CLMP: variants seen among roughly 807,000 people sequenced by gnomAD.
CLMP encodes CXADR-like membrane protein.
In CLMP, 27 loss-of-function variants were observed where a neutral mutation model predicts 45.2. That is an observed-to-expected ratio of 0.60 (90% CI 0.44 to 0.82). CLMP has a LOEUF of 0.82. Ranked by LOEUF, CLMP falls within the 40% of genes least tolerant of loss-of-function variation. CLMP has a pLI of 0.00. For synonymous variants in CLMP, 167 were observed against 171.4 expected, an observed-to-expected ratio of 0.97 and a Z score of 0.20; for missense variants, 403 against 448.4, an observed-to-expected ratio of 0.90 and a Z score of 0.91.
chr11:123,097,870 A>G lies in CLMP; in HGVS notation c.111T>C (p.His37=). ...AEEKVTLPCH[H]QLGLPEKDTL... ...TGTCTTTTTCTGGAAGCCCCAGTTG[A>G]TGGTGGCAGGGCAAAGTGACCTTTT... The change falls in exon 2 of 7, where the codon CAT becomes CAC. Residue 37 remains histidine (H), a synonymous_variant. Coordinates refer to ENST00000448775, the MANE Select transcript of CLMP (RefSeq NM_024769.5). The G allele has an allele frequency of 6.2e-7, 1 of 1,611,188 alleles. No individual in the cohort carries two copies. The highest frequency in any genetic ancestry group is 8.5e-7 in the Non-Finnish European group (1 of 1,178,764).
At chr11:123,100,530 C>T (rs971179106) in intron 1 of CLMP, among the ~76,000 whole-genome samples, 1 of 151,954 alleles carries the variant, frequency 6.6e-6, no homozygotes, top group Non-Finnish European at 1.5e-5. Flanking sequence ...AGATTCAAGT[C>T]CATTGTGATG....
intron 5 of CLMP, among the ~76,000 whole-genome samples, chr11:123,082,859 G>A (rs1392089738): frequency 6.6e-6 from 1 of 151,980 alleles, no homozygotes; most frequent in East Asian, 1.9e-4. Context: ...TGCCCACCTG[G>A]CCCTCCCAAA....
intron 1 of CLMP, among the ~76,000 whole-genome samples, chr11:123,132,849 C>T (rs1186319708): frequency 1.3e-5 from 2 of 151,746 alleles, no homozygotes; most frequent in African/African-American, 2.4e-5. Context: ...GTGTGATCTC[C>T]GCTCACTGCA....
chr11:123,187,168 T>A (rs979107378), intron 1 of CLMP, among the ~76,000 whole-genome samples: 1 of 152,080 alleles, frequency 6.6e-6, no homozygotes, highest in African/African-American at 2.4e-5. Context: ...GGAGGTGAAG[T>A]AACTTGCCCA....
intron 5 of CLMP, among the ~76,000 whole-genome samples, chr11:123,081,777 G>A (rs1865806056): frequency 6.6e-6 from 1 of 151,040 alleles, no homozygotes; most frequent in Non-Finnish European, 1.5e-5. Context: ...CAGGAGAGTC[G>A]CTTGAACCCG....
chr11:123,083,898 C>T (rs1372972505), intron 3 of CLMP, 51 bp from the exon 4 acceptor site: 1 of 1,595,586 alleles, frequency 6.3e-7, no homozygotes, highest in African/African-American at 1.3e-5. Flanking sequence ...GATCCCCAAA[C>T]ACCAGATTCA....
intron 2 of CLMP, among the ~76,000 whole-genome samples, chr11:123,097,086 A>C (rs1473887595): frequency 6.6e-6 from 1 of 152,124 alleles, no homozygotes; most frequent in Non-Finnish European, 1.5e-5. Context: ...TCCTGGGCTC[A>C]AGCAGTTCAC....
chr11:123,095,864 T>C (rs868004673), intron 2 of CLMP, among the ~76,000 whole-genome samples: 4 of 152,270 alleles, frequency 2.6e-5, no homozygotes, highest in African/African-American at 4.8e-5. Context: ...TCAAAATGTA[T>C]TCTACGAGGG....
chr11:123,102,696 C>T (rs571972586), intron 1 of CLMP, among the ~76,000 whole-genome samples: 19 of 148,502 alleles, frequency 1.3e-4, no homozygotes, highest in Middle Eastern at 3.4e-3. Flanking sequence ...CTGCCTCAGC[C>T]TCCCGAGTAG....
intron 1 of CLMP, among the ~76,000 whole-genome samples, chr11:123,109,069 A>AC (rs1860601122): frequency 6.6e-6 from 1 of 151,596 alleles, no homozygotes; most frequent in Non-Finnish European, 1.5e-5. Context: ...CAAAAAAAAA[A>AC]AAAAAAAAAA....
intron 1 of CLMP, among the ~76,000 whole-genome samples, chr11:123,166,289 C>A (rs573646027): frequency 6.6e-6 from 1 of 152,338 alleles, no homozygotes; most frequent in Admixed American, 6.5e-5. Flanking sequence ...CCAGCCTTAT[C>A]TCTTTCGCCA....
Position 123,073,113 on chromosome 11 carries a change from T to C in CLMP, c.*361A>G, listed in dbSNP as rs1054079088. The C allele has an allele frequency of 5.5e-6, 1 of 180,442 alleles. No individual in the cohort carries two copies. Among genetic ancestry groups the C allele is most frequent in the African/African-American group, 2.4e-5 (1 of 42,332 alleles). The allele number at this position is 180,442 out of a possible 1,614,324, so 11.2% of individuals were successfully genotyped here. On this transcript the variant is annotated 3_prime_UTR_variant, in exon 7 of 7. Transcript: ENST00000448775. The stretch of plus-strand genomic sequence containing the variant: ...ACAGCATCCCATTTCCTCTTGAAAA[T>C]TGTGAATCAAAGCACTGATACAAAA...
chr11:123,185,534 G>A (rs1459297914), intron 1 of CLMP, among the ~76,000 whole-genome samples: 1 of 152,204 alleles, frequency 6.6e-6, no homozygotes, highest in African/African-American at 2.4e-5. Flanking sequence ...GGAGGCTGCG[G>A]AGAGGTGGCC....
chr11:123,116,073 G>A (rs962627406), intron 1 of CLMP, among the ~76,000 whole-genome samples: 4 of 151,956 alleles, frequency 2.6e-5, no homozygotes, highest in African/African-American at 4.8e-5. Flanking sequence ...CTCACCACAC[G>A]GCAGCTGGCT....
intron 1 of CLMP, among the ~76,000 whole-genome samples, chr11:123,159,975 A>G (rs967227292): frequency 1.3e-5 from 2 of 152,150 alleles, no homozygotes; most frequent in African/African-American, 4.8e-5. Context: ...CCCTGGTGGT[A>G]AGAATTTGTT....
At position 123,189,994 on chromosome 11, in the gene CLMP, T is replaced by A. The variant is rs1448219436; in HGVS notation, c.28+4919A>T. 1.6e-4 allele frequency among the ~76,000 whole-genome samples: 16 copies of A among 98,264 alleles called. No homozygotes were observed. In the Admixed American group the frequency reaches 1.9e-3, roughly 12 times the overall value. 64.5% of individuals were successfully genotyped at this position (98,264 alleles called of 152,430 possible). ...TCTAGCCTAGGTGACAGAACAAGAC[T>A]CTGTCTCAAAAAAAAAAAAAAAAAA... On this transcript the variant is annotated intron_variant, in intron 1 of 6. Transcript: ENST00000448775.
intron 1 of CLMP, among the ~76,000 whole-genome samples, chr11:123,180,600 TAA>T (rs11353703): frequency 2.2e-3 from 298 of 137,076 alleles, no homozygotes; most frequent in Admixed American, 2.2e-3. Flanking sequence ...TGCATAGGAG[TAA>T]AAAAAAAAAA....
chr11:123,102,850 C>T (rs1860474060), intron 1 of CLMP, among the ~76,000 whole-genome samples: 1 of 151,868 alleles, frequency 6.6e-6, no homozygotes, highest in East Asian at 1.9e-4. Flanking sequence ...AGCTACCACG[C>T]CCAGCCTCCT....
intron 1 of CLMP, among the ~76,000 whole-genome samples, chr11:123,190,268 A>T (rs1023437256): frequency 1.3e-5 from 2 of 152,166 alleles, no homozygotes; most frequent in Non-Finnish European, 2.9e-5. Flanking sequence ...GTTTTCTTCC[A>T]ATTAGTTCGT....
Sources: allele counts gnomAD v4.1 joint callset (sites outside exome capture counted in the v4.1 genomes callset), GRCh38; gene constraint gnomAD v4.1.1; transcripts MANE v1.5; gene names NCBI Gene and HGNC (gene_info 2026-07-23, HGNC 2026-07-21).